Variants in CTRB1 observed in about 807,000 individuals in gnomAD.
CTRB1 encodes chymotrypsinogen B1, also known as chymotrypsinogen B.
In CTRB1, 15 loss-of-function variants were observed where a neutral mutation model predicts 20.4. The observed-to-expected ratio is 0.74, with a 90% confidence interval of 0.49 to 1.13. The LOEUF (loss-of-function observed/expected upper bound fraction) is 1.13, where lower values mean the gene tolerates loss of function less well. Among genes scored for constraint, CTRB1 ranks in the 50% most tolerant of loss-of-function variants. The pLI, the probability that CTRB1 is intolerant of heterozygous loss-of-function variation, is 0.00. For synonymous variants in CTRB1, 92 were observed against 128.4 expected (o/e 0.72, Z 1.92); for missense variants, 227 against 290.1 (o/e 0.78, Z 1.58).
At chr16:75,222,490 C>T (rs1245517469) in intron 1 of CTRB1, 3 of 525,318 alleles carry the variant, frequency 5.7e-6, no homozygotes, top group South Asian at 5.6e-5. Context: ...GGCAGTCTTA[C>T]AGCCCGGCCT....
Position 75,219,069 on chromosome 16 carries a change from G to A in CTRB1, c.52+10G>A, listed in dbSNP as rs371689386. 7.0e-6 allele frequency: 11 copies of A among 1,582,636 alleles called. No individual in the cohort carries two copies. Among genetic ancestry groups the A allele is most frequent in the Non-Finnish European group, 9.4e-6 (11 of 1,165,652 alleles). ...GTGGGGGCCGCCTTTGGTGAGTGCTGGTGCCCGAGGGGTCTGTCCTGAGGG... is the reference window on the plus strand; with the variant it reads ...GTGGGGGCCGCCTTTGGTGAGTGCTAGTGCCCGAGGGGTCTGTCCTGAGGG... On this transcript the variant is annotated intron_variant, in intron 1 of 6. Coordinates refer to ENST00000361017, the MANE Select transcript of CTRB1 (RefSeq NM_001906.6).
intron 1 of CTRB1, among the ~76,000 whole-genome samples, chr16:75,220,083 G>A (rs149298631): frequency 1.1e-4 from 17 of 152,128 alleles, no homozygotes; most frequent in East Asian, 5.8e-4. Flanking sequence ...TCAAGGGCTC[G>A]AGTGATCCTC....
intron 1 of CTRB1, among the ~76,000 whole-genome samples, chr16:75,222,203 T>A (rs1272000284): frequency 6.7e-6 from 1 of 149,964 alleles, no homozygotes; most frequent in East Asian, 1.9e-4. Flanking sequence ...CAATGTTTCC[T>A]GAAATTGTGG....
intron 6 of CTRB1, 132 bp from the exon 7 acceptor site, chr16:75,224,573 C>A: frequency 9.1e-7 from 1 of 1,101,360 alleles, no homozygotes; most frequent in African/African-American, 1.6e-5. Flanking sequence ...TTTCATAACC[C>A]ACGCAACAGC....
intron 6 of CTRB1, 122 bp downstream of exon 6, chr16:75,224,310 G>A (rs557526121): frequency 6.5e-7 from 1 of 1,528,334 alleles, no homozygotes; most frequent in Non-Finnish European, 8.8e-7. Flanking sequence ...GAGTCGCCTT[G>A]TTGCAAAATT....
rs1018640521 is a variant in CTRB1 at position 75,222,855 on chromosome 16, G to C, written c.140G>C (p.Trp47Ser). ...GACGCCGTCCCCGGCTCCTGGCCCTGGCAGGTGTCCCTGCAGGTGAGGGGG... is the reference window on the plus strand; with the variant it reads ...GACGCCGTCCCCGGCTCCTGGCCCTCGCAGGTGTCCCTGCAGGTGAGGGGG... ...GEDAVPGSWP[W>S]QVSLQDKTGF... The change falls in exon 2 of 7, where the codon TGG becomes TCG. Residue 47 changes from tryptophan to serine, a missense_variant. Trp to Ser is a radical substitution (Grantham distance 177). Around this residue, in one of 4 missense-constraint regions of CTRB1, gnomAD observed 71 missense variants for 69.1 expected, o/e 1.03. Transcript: ENST00000361017. The C allele has an allele frequency of 1.3e-6, 2 of 1,523,286 alleles. No individual in the cohort carries two copies. The highest frequency in any genetic ancestry group is 2.0e-5 in the Admixed American group (1 of 49,880). The allele number at this position is 1,523,286 out of a possible 1,614,324, so 94.4% of individuals were successfully genotyped here.
At position 75,224,560 on chromosome 16, in the gene CTRB1, G is replaced by A. The variant is rs1004119599; in HGVS notation, c.631-145G>A. ...ATGAACCACATAAGCAGCTACTAGGGTCTTTCATAACCCACGCAACAGCAC... is the reference window on the plus strand; with the variant it reads ...ATGAACCACATAAGCAGCTACTAGGATCTTTCATAACCCACGCAACAGCAC... On this transcript the variant is annotated intron_variant, in intron 6 of 6. Coordinates refer to ENST00000361017, the MANE Select transcript of CTRB1 (RefSeq NM_001906.6). 3.0e-5 allele frequency: 29 copies of A among 975,888 alleles called. No homozygotes were observed. The South Asian group carries it at 4.8e-4, about 16-fold the overall frequency. 60.5% of individuals were successfully genotyped at this position (975,888 alleles called of 1,614,324 possible). A position where few individuals can be genotyped will look rare whatever the true frequency, so the allele number is the denominator to read the frequency against.
chr16:75,222,768 G>A lies in CTRB1; in HGVS notation c.53G>A (p.Gly18Asp). The A allele has an allele frequency of 6.4e-7, 1 of 1,556,974 alleles. No individual in the cohort carries two copies. Among genetic ancestry groups the A allele is most frequent in the Non-Finnish European group, 8.7e-7 (1 of 1,149,624 alleles). ...CCTTATTCACCCCACTCCCCCCCAG[G>A]CTGCGGGGTCCCCGCCATCCACCCT... The part of the protein sequence containing the change: ...SCFSLVGAAF[G>D]CGVPAIHPVL... Residue 18 changes from glycine to aspartate, a missense_variant and splice_region_variant, in exon 2 of 7, where the codon GGC becomes GAC. Gly to Asp is a moderately conservative substitution (Grantham distance 94). Transcript: ENST00000361017.
chr16:75,222,315 C>T (rs1300776888), intron 1 of CTRB1, among the ~76,000 whole-genome samples: 1 of 152,178 alleles, frequency 6.6e-6, no homozygotes, highest in African/African-American at 2.4e-5. Flanking sequence ...ATCAGATTTT[C>T]TTCCCACTTC....
rs762333544 is a variant in CTRB1 at position 75,224,153 on chromosome 16, A to G, written c.595A>G (p.Ile199Val). The change falls in exon 6 of 7, where the codon ATC (isoleucine) becomes GTC (valine). Residue 199 changes from isoleucine to valine, a missense_variant. By Grantham distance (29) the Ile-to-Val change is conservative (BLOSUM62 3). This residue lies in a region of CTRB1 where 36 missense variants were observed against 51.6 expected (regional missense o/e 0.70). Transcript: ENST00000361017. ...GGGCAGGAGGATCACCGACGTGATG[A>G]TCTGTGCCGGGGCCAGTGGCGTCTC... ...SWGRRITDVM[I>V]CAGASGVSSC... is the part of the protein sequence containing the mutation. 18 of 1,489,680 alleles carry G rather than the reference A, an allele frequency of 1.2e-5. No homozygotes were observed. The South Asian group carries it at 2.1e-4, about 17-fold the overall frequency. 92.3% of individuals were successfully genotyped at this position (1,489,680 alleles called of 1,614,324 possible).
chr16:75,219,768 C>G (rs1248372016), intron 1 of CTRB1, among the ~76,000 whole-genome samples: 1 of 152,184 alleles, frequency 6.6e-6, no homozygotes, highest in East Asian at 1.9e-4. Context: ...CAGAATTCAG[C>G]AAATCTTTTT....
chr16:75,221,092 T>C (rs865909897), intron 1 of CTRB1, among the ~76,000 whole-genome samples: 1 of 152,238 alleles, frequency 6.6e-6, no homozygotes, highest in Non-Finnish European at 1.5e-5. Context: ...GCACCTTGCC[T>C]GCCTGTGTTC....
At position 75,224,051 on chromosome 16, in the gene CTRB1, G is replaced by A; in HGVS notation, c.497-4G>A. On this transcript the variant is annotated splice_polypyrimidine_tract_variant and splice_region_variant and intron_variant, in intron 5 of 6. Transcript: ENST00000361017. Reference sequence around the variant, plus strand: ...GGGGCCCTGACCCTCCTCCTGTCCTGCAGCCAACAAGACCCCTGACAAGCT... The same window carrying A: ...GGGGCCCTGACCCTCCTCCTGTCCTACAGCCAACAAGACCCCTGACAAGCT... The A allele has an allele frequency of 2.9e-6, 3 of 1,049,442 alleles. No homozygotes were observed. Among genetic ancestry groups the A allele is most frequent in the African/African-American group, 1.9e-5 (1 of 51,598 alleles). 65.0% of individuals were successfully genotyped at this position (1,049,442 alleles called of 1,614,324 possible).
intron 1 of CTRB1, 119 bp from the exon 2 acceptor site, chr16:75,222,649 C>T (rs527490663): frequency 3.5e-6 from 4 of 1,133,534 alleles, no homozygotes; most frequent in Middle Eastern, 2.8e-4. Flanking sequence ...GCGGCATGTG[C>T]CAGGGAGGTC....
intron 1 of CTRB1, among the ~76,000 whole-genome samples, chr16:75,222,097 G>A (rs1255331011): frequency 6.7e-6 from 1 of 150,038 alleles, no homozygotes; most frequent in African/African-American, 2.5e-5. Context: ...GGAATTTGAG[G>A]TTGCAGTGGG....
chr16:75,224,775 G>A lies in CTRB1; in HGVS notation c.701G>A (p.Gly234Asp). 1.2e-6 allele frequency: 2 copies of A among 1,613,894 alleles called. No individual in the cohort carries two copies. The highest frequency in any genetic ancestry group is 2.2e-5 in the South Asian group (2 of 91,084). ...ACCCTGGTGGGCATTGTGTCCTGGG[G>A]CAGCGACACCTGCTCCACCTCCAGC... The part of the protein sequence containing the change: ...AWTLVGIVSW[G>D]SDTCSTSSPG... The change falls in exon 7 of 7, where the codon GGC becomes GAC. Residue 234 changes from glycine (G) to aspartate (D), a missense_variant. Transcript: ENST00000361017.
chr16:75,224,792 A>G lies in CTRB1; in HGVS notation c.718A>G (p.Thr240Ala). Residue 240 changes from threonine to alanine, a missense_variant, in exon 7 of 7, where the codon ACC becomes GCC. By Grantham distance (58) the Thr-to-Ala change is moderately conservative. Coordinates refer to ENST00000361017, the MANE Select transcript of CTRB1 (RefSeq NM_001906.6). The part of the protein sequence containing the change: ...IVSWGSDTCS[T>A]SSPGVYARVT... Reference sequence around the variant, plus strand: ...GTCCTGGGGCAGCGACACCTGCTCCACCTCCAGCCCTGGCGTGTACGCCCG... The same window carrying G: ...GTCCTGGGGCAGCGACACCTGCTCCGCCTCCAGCCCTGGCGTGTACGCCCG... 1 of 1,613,736 alleles carries G rather than the reference A, an allele frequency of 6.2e-7. No individual in the cohort carries two copies. Among genetic ancestry groups the G allele is most frequent in the Non-Finnish European group, 8.5e-7 (1 of 1,180,000 alleles).
chr16:75,219,282 C>G (rs1027571581), intron 1 of CTRB1, among the ~76,000 whole-genome samples: 2 of 152,148 alleles, frequency 1.3e-5, no homozygotes, highest in African/African-American at 4.8e-5. Flanking sequence ...CCAGAAGTGG[C>G]TGGGGTGGGG....
intron 1 of CTRB1, among the ~76,000 whole-genome samples, chr16:75,220,753 T>C (rs963076224): frequency 1.3e-5 from 1 of 78,358 alleles, no homozygotes; most frequent in Non-Finnish European, 2.7e-5. Context: ...CATCTAGTTC[T>C]CTTATTTATT....
Sources: gnomAD v4.1 joint callset for allele counts (sites outside exome capture counted in the v4.1 genomes callset) on GRCh38, gnomAD v4.1.1 for gene constraint, gnomAD v4.1.1 regional missense constraint, MANE v1.5 for transcripts, NCBI Gene and HGNC (gene_info 2026-07-23, HGNC 2026-07-21) for gene names.